The following CSMD1 variants were observed in gnomAD, a reference collection of about 807,000 sequenced individuals.
The protein encoded by CSMD1 is CUB and sushi domain-containing protein 1.
CSMD1 carries 213 observed loss-of-function variants against 417.5 expected under a neutral mutation model. The observed-to-expected ratio is 0.51, with a 90% CI of 0.46 to 0.57. The LOEUF (loss-of-function observed/expected upper bound fraction) is 0.57, where lower values mean the gene tolerates loss of function less well. Among genes scored for constraint, CSMD1 ranks in the 20% least tolerant of loss-of-function variants. The probability of loss-of-function intolerance (pLI) is 0.00; values close to 1 mark genes in which losing one functional copy is unlikely to be tolerated. For synonymous variants in CSMD1, 2,862 were observed against 1,736.8 expected, an observed-to-expected ratio of 1.65 and a Z score of -16.11; for missense variants, 6,923 against 4,529.7, an observed-to-expected ratio of 1.53 and a Z score of -15.17.
chr8:4,093,440 C>G (rs1800823883), intron 3 of CSMD1, among the ~76,000 whole-genome samples: 1 of 152,092 alleles, frequency 6.6e-6, no homozygotes, highest in Non-Finnish European at 1.5e-5. Flanking sequence ...ATGCACTCCC[C>G]TTGAATCTGA....
intron 8 of CSMD1, among the ~76,000 whole-genome samples, chr8:3,601,551 G>C (rs1653270142): frequency 6.6e-6 from 1 of 152,084 alleles, no homozygotes; most frequent in Non-Finnish European, 1.5e-5. Context: ...ACTTATAAAA[G>C]GTCTAACATT....
At chr8:3,182,626 G>GGC (rs1821424104) in intron 36 of CSMD1, among the ~76,000 whole-genome samples, 1 of 50,032 alleles carries the variant, frequency 2.0e-5, no homozygotes, top group Non-Finnish European at 4.7e-5. Context: ...GTGTGTGTGT[G>GGC]TGTGTGTATT....
At chr8:4,388,036 C>T (rs895698052) in intron 3 of CSMD1, among the ~76,000 whole-genome samples, 8 of 152,144 alleles carry the variant, frequency 5.3e-5, no homozygotes, top group African/African-American at 1.9e-4. Flanking sequence ...TATTTTACCA[C>T]ATTCCTGATG....
intron 5 of CSMD1, among the ~76,000 whole-genome samples, chr8:3,813,886 G>T (rs564241264): frequency 3.3e-5 from 5 of 152,118 alleles, no homozygotes; most frequent in African/African-American, 1.2e-4. Context: ...GAAAGTGATC[G>T]CTTTTCCTTT....
chr8:3,011,284 C>A (rs963568835), intron 52 of CSMD1, among the ~76,000 whole-genome samples: 2 of 152,118 alleles, frequency 1.3e-5, no homozygotes, highest in Admixed American at 1.3e-4. Context: ...TCCTGACTAA[C>A]ATACAGAACA....
chr8:4,495,846 T>G (rs957264241), intron 2 of CSMD1, among the ~76,000 whole-genome samples: 1 of 152,184 alleles, frequency 6.6e-6, no homozygotes, highest in African/African-American at 2.4e-5. Flanking sequence ...ATTAGAATTA[T>G]TAATGTAAGT....
At chr8:3,544,457 T>G (rs1336762442) in intron 10 of CSMD1, among the ~76,000 whole-genome samples, 1 of 152,124 alleles carries the variant, frequency 6.6e-6, no homozygotes, top group East Asian at 1.9e-4. Context: ...GGGAACGCCT[T>G]ACTCTGTCCA....
intron 3 of CSMD1, among the ~76,000 whole-genome samples, chr8:4,048,398 C>T (rs1167933650): frequency 6.6e-6 from 1 of 152,194 alleles, no homozygotes; most frequent in African/African-American, 2.4e-5. Flanking sequence ...CCTAGACAAA[C>T]CACTGTGTAC....
At chr8:4,104,846 G>C (rs1000210842) in intron 3 of CSMD1, among the ~76,000 whole-genome samples, 8 of 152,182 alleles carry the variant, frequency 5.3e-5, no homozygotes, top group Admixed American at 1.3e-4. Flanking sequence ...AAGCCTCTGA[G>C]TGCTTAGCCT....
chr8:4,838,786 C>A (rs1242350100), intron 1 of CSMD1, among the ~76,000 whole-genome samples: 2 of 152,178 alleles, frequency 1.3e-5, no homozygotes, highest in African/African-American at 2.4e-5. Context: ...AGAGTTTGGT[C>A]GGAACCGACA....
In CSMD1 at chr8:3,400,970, T is replaced by A. The variant is rs549801387; in HGVS notation, c.2267-1441A>T. Reference sequence around the variant, plus strand: ...TTTTTAAAACAACCAAAATTATACTTATTAATATTTTAATTTTTCTTGTTA... The same window carrying A: ...TTTTTAAAACAACCAAAATTATACTAATTAATATTTTAATTTTTCTTGTTA... On this transcript the variant is annotated intron_variant, in intron 15 of 69. Transcript: ENST00000635120. 5.9e-5 allele frequency among the ~76,000 whole-genome samples: 9 copies of A among 151,652 alleles called. No homozygotes were observed. The South Asian group carries it at 6.2e-4, about 10-fold the overall frequency.
At chr8:4,557,161 T>C (rs1256900233) in intron 2 of CSMD1, among the ~76,000 whole-genome samples, 1 of 152,186 alleles carries the variant, frequency 6.6e-6, no homozygotes, top group African/African-American at 2.4e-5. Flanking sequence ...CCTTCCTGCT[T>C]AGCTCCATCA....
rs868741459 is a variant in CSMD1 at position 4,059,272 on chromosome 8, C to A, written c.416-27173G>T. ...GAAGAAAGACACAACATACCAGAAT[C>A]TCTGGGACACATTCAAAACACTGTG... On this transcript the variant is annotated intron_variant, in intron 3 of 69. Transcript: ENST00000635120. Among the ~76,000 whole-genome samples the A allele has an allele frequency of 1.2e-4, 19 of 152,238 alleles. 1 individual carries two copies. The highest frequency in any genetic ancestry group is 6.8e-3 in the Middle Eastern group (2 of 294).
chr8:3,403,277 T>C (rs1200275012), intron 15 of CSMD1, among the ~76,000 whole-genome samples: 1 of 152,230 alleles, frequency 6.6e-6, no homozygotes, highest in Non-Finnish European at 1.5e-5. Flanking sequence ...TTGTTATCTG[T>C]ATTACTCACT....
chr8:3,269,395 C>T (rs1267972378), intron 26 of CSMD1, among the ~76,000 whole-genome samples: 1 of 152,232 alleles, frequency 6.6e-6, no homozygotes, highest in Non-Finnish European at 1.5e-5. Context: ...ACCACACAGG[C>T]TTACGGCTGG....
At chr8:4,637,232 C>G (rs2617006) in intron 2 of CSMD1, 110 bp downstream of exon 2, 250,688 of 955,640 alleles carry the variant, frequency 0.26, 33,649 homozygotes, top group Middle Eastern at 0.31. Flanking sequence ...ACGAACCCAC[C>G]GGAAGGAACC....
Position 4,918,799 on chromosome 8 carries a change from A to C in CSMD1, c.85+75533T>G, listed in dbSNP as rs201110714. 1.3e-3 allele frequency among the ~76,000 whole-genome samples: 198 copies of C among 152,328 alleles called. 7 individuals are homozygous for C. The South Asian group carries it at 0.037, about 28-fold the overall frequency. ...AATTTTAAATAATTTATATATAAACACACTTGTGAATATGTATGTTTGTAC... is the reference window on the plus strand; with the variant it reads ...AATTTTAAATAATTTATATATAAACCCACTTGTGAATATGTATGTTTGTAC... On this transcript the variant is annotated intron_variant, in intron 1 of 69. Coordinates refer to ENST00000635120, the MANE Select transcript of CSMD1 (RefSeq NM_033225.6).
chr8:3,973,047 A>C (rs879934478), intron 5 of CSMD1, among the ~76,000 whole-genome samples: 7 of 152,264 alleles, frequency 4.6e-5, no homozygotes, highest in Admixed American at 4.6e-4. Flanking sequence ...AAGATCACAG[A>C]TAAGTGTGCT....
intron 5 of CSMD1, among the ~76,000 whole-genome samples, chr8:3,979,283 T>C (rs1455428668): frequency 6.6e-6 from 1 of 152,226 alleles, no homozygotes; most frequent in Non-Finnish European, 1.5e-5. Flanking sequence ...CAATGTGCTC[T>C]AATTTGTTCT....
Sources: gnomAD v4.1 joint callset for allele counts (sites outside exome capture counted in the v4.1 genomes callset) on GRCh38, gnomAD v4.1.1 for gene constraint, MANE v1.5 for transcripts, NCBI Gene and HGNC (gene_info 2026-07-23, HGNC 2026-07-21) for gene names.